Variants in RSRC1 observed in about 807,000 individuals in gnomAD.
RSRC1 encodes the protein arginine and serine rich coiled-coil 1.
In RSRC1, 39 loss-of-function variants were observed where a neutral mutation model predicts 49.1. The ratio of observed to expected loss-of-function variants is 0.79; its 90% CI spans 0.61 to 1.04. RSRC1 has a LOEUF of 1.04. Among genes scored for constraint, RSRC1 ranks in the 50% least tolerant of loss-of-function variants. The pLI is 0.00. For missense variants in RSRC1, 388 were observed against 402.4 expected, an observed-to-expected ratio of 0.96 and a Z score of 0.31; for synonymous variants, 143 against 130.8, an observed-to-expected ratio of 1.09 and a Z score of -0.63.
chr3:158,422,785 G>T lies in RSRC1; in HGVS notation c.584-38150G>T, dbSNP rs1342285850. 1.6e-4 allele frequency among the ~76,000 whole-genome samples: 24 copies of T among 149,432 alleles called. No homozygotes were observed. The East Asian group carries it at 2.7e-3, about 17-fold the overall frequency. On this transcript the variant is annotated intron_variant, in intron 6 of 9. Transcript: ENST00000611884. ...TTGCCATTCTAACTGGTGTGAGATG[G>T]TATCTCATTGTGGTTTTGATTTGCG...
chr3:158,190,104 G>C (rs1720151480), intron 3 of RSRC1, among the ~76,000 whole-genome samples: 1 of 151,840 alleles, frequency 6.6e-6, no homozygotes, highest in South Asian at 2.1e-4. Flanking sequence ...TTGTTTTGCT[G>C]TGTATCATGC....
At chr3:158,268,282 A>G (rs1293705834) in intron 4 of RSRC1, among the ~76,000 whole-genome samples, 2 of 152,194 alleles carry the variant, frequency 1.3e-5, no homozygotes, top group Non-Finnish European at 2.9e-5. Flanking sequence ...AAAACGCATC[A>G]AAGGTATATT....
chr3:158,420,338 G>A (rs1734973854), intron 6 of RSRC1, among the ~76,000 whole-genome samples: 1 of 151,998 alleles, frequency 6.6e-6, no homozygotes, highest in Non-Finnish European at 1.5e-5. Flanking sequence ...AAGATTTACA[G>A]TGGCTTGCCT....
intron 7 of RSRC1, among the ~76,000 whole-genome samples, chr3:158,470,614 A>T (rs6799272): frequency 0.43 from 65,697 of 151,838 alleles, 14,505 homozygotes; most frequent in African/African-American, 0.53. Flanking sequence ...TGGAGAATAT[A>T]GTTCAAAGAA....
intron 4 of RSRC1, among the ~76,000 whole-genome samples, chr3:158,285,656 TG>T (rs1242879783): frequency 2.6e-5 from 4 of 152,152 alleles, no homozygotes; most frequent in Non-Finnish European, 4.4e-5. Context: ...TTGAAGCAAT[TG>T]TGAATGGGAG....
At chr3:158,427,820 G>T (rs1012617068) in intron 6 of RSRC1, among the ~76,000 whole-genome samples, 2 of 151,642 alleles carry the variant, frequency 1.3e-5, no homozygotes. Context: ...CATAATATTT[G>T]TCCAGGCAGT....
intron 8 of RSRC1, among the ~76,000 whole-genome samples, chr3:158,542,663 A>C (rs1263251980): frequency 3.3e-5 from 5 of 152,220 alleles, no homozygotes; most frequent in Admixed American, 2.0e-4. Context: ...CCTAGGATGG[A>C]AAGGTTGGAA....
At chr3:158,213,443 G>T (rs369369224) in intron 4 of RSRC1, among the ~76,000 whole-genome samples, 1 of 151,886 alleles carries the variant, frequency 6.6e-6, no homozygotes, top group African/African-American at 2.4e-5. Context: ...CTTGGGTTCC[G>T]AGATTGCATA....
chr3:158,298,134 A>G (rs1727342975), intron 5 of RSRC1, 59 bp downstream of exon 5: 10 of 1,219,716 alleles, frequency 8.2e-6, no homozygotes, highest in African/African-American at 1.5e-5. Flanking sequence ...ATTCTAAATG[A>G]ACACTTTTGA....
At chr3:158,381,102 A>T (rs551959489) in intron 6 of RSRC1, among the ~76,000 whole-genome samples, 1 of 152,334 alleles carries the variant, frequency 6.6e-6, no homozygotes, top group East Asian at 1.9e-4. Context: ...AGTCTATGTT[A>T]TTTACCACTA....
intron 7 of RSRC1, among the ~76,000 whole-genome samples, chr3:158,485,430 G>A (rs1393930432): frequency 6.6e-6 from 1 of 151,972 alleles, no homozygotes; most frequent in Admixed American, 6.6e-5. Context: ...GATATAAAAT[G>A]AATATATTAA....
intron 3 of RSRC1, among the ~76,000 whole-genome samples, chr3:158,177,049 C>T (rs1205553105): frequency 6.6e-6 from 1 of 152,162 alleles, no homozygotes; most frequent in African/African-American, 2.4e-5. Context: ...AAATGCTCAT[C>T]ATTACTGGTC....
chr3:158,544,360 T>C lies in RSRC1; in HGVS notation c.*85T>C. The C allele has an allele frequency of 1.2e-6, 1 of 820,010 alleles. No homozygotes were observed. 50.8% of individuals were successfully genotyped at this position (820,010 alleles called of 1,614,324 possible). On this transcript the variant is annotated 3_prime_UTR_variant, in exon 10 of 10. Transcript: ENST00000611884. Reference sequence around the variant, plus strand: ...AATCCCAATATTAACTTTTTACTCTTAAAAAGAATTTTGCTGATTATATAT... The same window carrying C: ...AATCCCAATATTAACTTTTTACTCTCAAAAAGAATTTTGCTGATTATATAT...
intron 5 of RSRC1, among the ~76,000 whole-genome samples, chr3:158,333,607 T>C (rs1483313632): frequency 1.3e-5 from 2 of 152,228 alleles, no homozygotes; most frequent in Non-Finnish European, 2.9e-5. Context: ...AAAAGCATTC[T>C]AGTACTTTCA....
chr3:158,520,107 A>G (rs545571769), intron 7 of RSRC1, among the ~76,000 whole-genome samples: 1 of 152,296 alleles, frequency 6.6e-6, no homozygotes, highest in East Asian at 1.9e-4. Flanking sequence ...AGGACAGTCA[A>G]AGGTAGTTTT....
chr3:158,142,167 AT>A (rs1716789756), intron 3 of RSRC1, among the ~76,000 whole-genome samples: 1 of 152,214 alleles, frequency 6.6e-6, no homozygotes, highest in African/African-American at 2.4e-5. Flanking sequence ...AATCATCATG[AT>A]TTGAAAGTTT....
chr3:158,493,804 G>A (rs532889331), intron 7 of RSRC1, among the ~76,000 whole-genome samples: 1 of 152,158 alleles, frequency 6.6e-6, no homozygotes, highest in African/African-American at 2.4e-5. Flanking sequence ...CTGAGACTCA[G>A]CTGGTTGTCA....
chr3:158,219,273 G>T (rs1243322307), intron 4 of RSRC1, among the ~76,000 whole-genome samples: 2 of 151,352 alleles, frequency 1.3e-5, no homozygotes, highest in Admixed American at 6.6e-5. Flanking sequence ...AAGCATTGTT[G>T]GTTCTTCCTT....
At chr3:158,136,481 A>G (rs1321321284) in intron 3 of RSRC1, among the ~76,000 whole-genome samples, 1 of 152,096 alleles carries the variant, frequency 6.6e-6, no homozygotes, top group Non-Finnish European at 1.5e-5. Context: ...TCTGTTGTAT[A>G]TTTGTAATGA....
Sources: allele counts gnomAD v4.1 joint callset (sites outside exome capture counted in the v4.1 genomes callset), GRCh38; gene constraint gnomAD v4.1.1; transcripts MANE v1.5; gene names NCBI Gene and HGNC (gene_info 2026-07-23, HGNC 2026-07-21).